NLRP10: variants seen among roughly 807,000 people sequenced by gnomAD.
The protein encoded by NLRP10 is NLR family pyrin domain containing 10.
In NLRP10, 7 loss-of-function variants were observed where a neutral mutation model predicts 8.2. The ratio of observed to expected loss-of-function variants is 0.85; its 90% CI spans 0.48 to 1.60. NLRP10 has a LOEUF of 1.60. NLRP10 is among the 40% of genes most tolerant of loss of function. The pLI is 0.00. For synonymous variants in NLRP10, 338 were observed against 314.0 expected, an observed-to-expected ratio of 1.08 and a Z score of -0.81; for missense variants, 814 against 776.3, an observed-to-expected ratio of 1.05 and a Z score of -0.58.
In NLRP10 at chr11:7,958,924, G is replaced by C. The variant is rs1941666940; in HGVS notation, c.*720C>G. Reference sequence around the variant, plus strand: ...TGCAAATATTTTCTCCCAGTCTTTGGCTTATCTTTTCATTCTCTTAACAGT... The same window carrying C: ...TGCAAATATTTTCTCCCAGTCTTTGCCTTATCTTTTCATTCTCTTAACAGT... On this transcript the variant is annotated 3_prime_UTR_variant, in exon 3 of 3. Transcript: ENST00000691676. Among the ~76,000 whole-genome samples, 1 of 151,790 alleles carries C rather than the reference G, an allele frequency of 6.6e-6. No homozygotes were observed. Among genetic ancestry groups the C allele is most frequent in the African/African-American group, 2.4e-5 (1 of 41,300 alleles).
intron 2 of NLRP10, 90 bp downstream of exon 2, chr11:7,963,117 G>A (rs1304961792): frequency 7.7e-7 from 1 of 1,295,796 alleles, no homozygotes; most frequent in South Asian, 1.3e-5. Context: ...GAAGGCATAA[G>A]GTACAGGCTA....
At position 7,960,943 on chromosome 11, in the gene NLRP10, A is replaced by G; in HGVS notation, c.669T>C (p.Leu223=). 1 of 1,614,156 alleles carries G rather than the reference A, an allele frequency of 6.2e-7. No homozygotes were observed. The highest frequency in any genetic ancestry group is 8.5e-7 in the Non-Finnish European group (1 of 1,180,016). The change falls in exon 3 of 3, where the codon CTT becomes CTC. Residue 223 remains leucine, a synonymous_variant. Coordinates refer to ENST00000691676, the MANE Select transcript of NLRP10 (RefSeq NM_001391958.1). Reference sequence around the variant, plus strand: ...CTTGATTGTCCCCGCAGCACCAGAAAAGGAGCTGCTCCAGTTTGCTCTCCA... The same window carrying G: ...CTTGATTGTCCCCGCAGCACCAGAAGAGGAGCTGCTCCAGTTTGCTCTCCA... ...LLLESKLEQL[L]FWCCGDNQAP... is the part of the protein sequence containing the mutation.
At chr11:7,962,231 C>CTTTTTTTT (rs71452435) in intron 2 of NLRP10, among the ~76,000 whole-genome samples, 850 of 66,922 alleles carry the variant, frequency 0.013, 212 homozygotes, top group African/African-American at 0.033. Flanking sequence ...TAAGCCTGTT[C>CTTTTTTTT]TTTTTTTTTT....
At position 7,959,713 on chromosome 11, in the gene NLRP10, T is replaced by A; in HGVS notation, c.1899A>T (p.Gly633=). 1 of 1,606,326 alleles carries A rather than the reference T, an allele frequency of 6.2e-7. No individual in the cohort carries two copies. The highest frequency in any genetic ancestry group is 8.5e-7 in the Non-Finnish European group (1 of 1,178,228). ...TTCCAGTAGAAGCTTCCTTTTGTGT[T>A]CCTGCTATATTATCTTTGCCCTCCT... ...GQKEGKDNIA[G]TQKEASTGKG... Residue 633 remains glycine, a synonymous_variant, in exon 3 of 3, where the codon GGA becomes GGT. Coordinates refer to ENST00000691676, the MANE Select transcript of NLRP10 (RefSeq NM_001391958.1).
Position 7,960,638 on chromosome 11 carries a change from C to A in NLRP10, c.974G>T (p.Ser325Ile), listed in dbSNP as rs752492677. The A allele has an allele frequency of 8.6e-5, 139 of 1,614,050 alleles. No individual in the cohort carries two copies. In the East Asian group the frequency reaches 3.1e-3, roughly 36 times the overall value. The change falls in exon 3 of 3, where the codon AGC (serine) becomes ATC (isoleucine). Residue 325 changes from serine to isoleucine, a missense_variant. Ser to Ile is a moderately radical substitution (Grantham distance 142). Coordinates refer to ENST00000691676, the MANE Select transcript of NLRP10 (RefSeq NM_001391958.1). ...TTGCTTCTCATCCGTGAAATAGGAG[C>A]TGAAGTACCTCGCCCTCTCCTCCTC... ...FSEEERARYF[S>I]SYFTDEKQAD...
chr11:7,958,906 AT>A lies in NLRP10; in HGVS notation c.*737del, dbSNP rs981548921. 6.6e-6 allele frequency among the ~76,000 whole-genome samples: 1 copy of A among 151,472 alleles called. No homozygotes were observed. The highest frequency in any genetic ancestry group is 1.5e-5 in the Non-Finnish European group (1 of 67,860). On this transcript the variant is annotated 3_prime_UTR_variant, in exon 3 of 3. Coordinates refer to ENST00000691676, the MANE Select transcript of NLRP10 (RefSeq NM_001391958.1). ...TTTTATCAGATATGTGTTTGCAAAT[AT>A]TTTCTCCCAGTCTTTGGCTTATCTT...
rs1342643838 is a variant in NLRP10 at position 7,959,920 on chromosome 11, T to G, written c.1692A>C (p.Glu564Asp). 6.2e-7 allele frequency: 1 copy of G among 1,614,184 alleles called. No homozygotes were observed. Among genetic ancestry groups the G allele is most frequent in the Admixed American group, 1.7e-5 (1 of 60,036 alleles). Reference sequence around the variant, plus strand: ...TTATTTTAGCTTCATACAGGGAGAATTCCAAATCCCAGGTCCTGTTGTGCT... The same window carrying G: ...TTATTTTAGCTTCATACAGGGAGAAGTCCAAATCCCAGGTCCTGTTGTGCT... ...SMKHNRTWDL[E>D]FSLYEAKIKN... Residue 564 changes from glutamate to aspartate, a missense_variant, in exon 3 of 3, where the codon GAA becomes GAC. Transcript: ENST00000691676.
At chr11:7,962,900 CA>C (rs1941755965) in intron 2 of NLRP10, among the ~76,000 whole-genome samples, 1 of 152,202 alleles carries the variant, frequency 6.6e-6, no homozygotes, top group African/African-American at 2.4e-5. Flanking sequence ...ATCCCTTCAC[CA>C]ACACCCTCCC....
rs1941765272 is a variant in NLRP10, at chr11:7,963,336, G to A, written c.160C>T (p.Pro54Ser). 1 of 1,614,092 alleles carries A rather than the reference G, an allele frequency of 6.2e-7. No homozygotes were observed. ...ATCAGTAATTCTGCCAGGTCCACCG[G>A]AATCAGGCCCTCCAACTCCCCTCTG... The part of the protein sequence containing the change: ...LARGELEGLI[P>S]VDLAELLISK... The change falls in exon 2 of 3, where the codon CCG (proline) becomes TCG (serine). Residue 54 changes from proline (P) to serine (S), a missense_variant. Physicochemically the swap from Pro to Ser is moderately conservative, Grantham distance 74. Coordinates refer to ENST00000691676, the MANE Select transcript of NLRP10 (RefSeq NM_001391958.1).
At chr11:7,963,782 A>ATCTCTCTC (rs113386745) in intron 1 of NLRP10, 17 of 339,952 alleles carry the variant, frequency 5.0e-5, no homozygotes, top group African/African-American at 2.4e-4. Flanking sequence ...TAATCTCTCA[A>ATCTCTCTC]TCTCTCTCTC....
At chr11:7,963,139 G>A in intron 2 of NLRP10, 68 bp downstream of exon 2, 2 of 1,487,088 alleles carry the variant, frequency 1.3e-6, no homozygotes, top group Non-Finnish European at 1.8e-6. Context: ...AGGCAGCTCT[G>A]GAAATGCCAT....
At chr11:7,962,231 C>CTGTTTTTTTTTTTTTTTTT (rs1941743747) in intron 2 of NLRP10, among the ~76,000 whole-genome samples, 1 of 66,994 alleles carries the variant, frequency 1.5e-5, no homozygotes, top group African/African-American at 5.6e-5. Context: ...TAAGCCTGTT[C>CTGTTTTTTTTTTTTTTTTT]TTTTTTTTTT....
rs375738434 is a variant in NLRP10, at chr11:7,963,191, C to T, written c.289+16G>A. ...CAGTGCCATCCTGCCCTCCCCTTCC[C>T]CCGCTCCACACTCACCATGCAGACA... On this transcript the variant is annotated intron_variant, in intron 2 of 2. Transcript: ENST00000691676. 6.2e-7 allele frequency: 1 copy of T among 1,609,666 alleles called. No individual in the cohort carries two copies. The highest frequency in any genetic ancestry group is 8.5e-7 in the Non-Finnish European group (1 of 1,177,098).
At position 7,958,636 on chromosome 11, in the gene NLRP10, G is replaced by A. The variant is rs994281468; in HGVS notation, c.*1008C>T. ...GCGATCTCAGCTCACTGCAACCTCCGCCTCCCAGATTCAAGCAATTCTCCT... is the reference window on the plus strand; with the variant it reads ...GCGATCTCAGCTCACTGCAACCTCCACCTCCCAGATTCAAGCAATTCTCCT... On this transcript the variant is annotated 3_prime_UTR_variant, in exon 3 of 3. Coordinates refer to ENST00000691676, the MANE Select transcript of NLRP10 (RefSeq NM_001391958.1). Among the ~76,000 whole-genome samples, 5 of 151,584 alleles carry A rather than the reference G, an allele frequency of 3.3e-5. No homozygotes were observed. Among genetic ancestry groups the A allele is most frequent in the African/African-American group, 9.7e-5 (4 of 41,210 alleles).
rs986915655 is a variant in NLRP10 at position 7,958,064 on chromosome 11, C to T, written c.*1580G>A. On this transcript the variant is annotated 3_prime_UTR_variant, in exon 3 of 3. Transcript: ENST00000691676. ...GTCTTAATTGCTCATTTATTTTTATCACTGAATACTATTACATTATGTGGA... is the reference window on the plus strand; with the variant it reads ...GTCTTAATTGCTCATTTATTTTTATTACTGAATACTATTACATTATGTGGA... Among the ~76,000 whole-genome samples, 3 of 152,076 alleles carry T rather than the reference C, an allele frequency of 2.0e-5. No homozygotes were observed. Among genetic ancestry groups the T allele is most frequent in the Non-Finnish European group, 2.9e-5 (2 of 68,022 alleles).
Position 7,960,714 on chromosome 11 carries a change from G to C in NLRP10, c.898C>G (p.Leu300Val). The C allele has an allele frequency of 6.2e-7, 1 of 1,614,228 alleles. No homozygotes were observed. Among genetic ancestry groups the C allele is most frequent in the African/African-American group, 1.3e-5 (1 of 75,052 alleles). Residue 300 changes from leucine (L) to valine (V), a missense_variant, in exon 3 of 3, where the codon CTG becomes GTG. Coordinates refer to ENST00000691676, the MANE Select transcript of NLRP10 (RefSeq NM_001391958.1). ...ITTRPLALRN[L>V]EPLLKQARHV... ...CGTGCTTGTTTCAGCAAGGGCTCCA[G>C]ATTCCTCAAAGCCAGGGGCCGGGTG...
chr11:7,964,835 A>G (rs952220810), intron 1 of NLRP10, among the ~76,000 whole-genome samples: 4 of 152,266 alleles, frequency 2.6e-5, no homozygotes, highest in Non-Finnish European at 5.9e-5. Context: ...AAAGAAAAGC[A>G]ACAATTAATA....
rs773746945 is a variant in NLRP10 at position 7,960,430 on chromosome 11, C to A, written c.1182G>T (p.Pro394=). The change falls in exon 3 of 3, where the codon CCG becomes CCT. Residue 394 remains proline (P), a synonymous_variant. Transcript: ENST00000691676. Reference sequence around the variant, plus strand: ...CGGAGCAGCCCCCATCATCATCGGGCGGCAGAAAGGTGGAGACGTAAGCCA... The same window carrying A: ...CGGAGCAGCCCCCATCATCATCGGGAGGCAGAAAGGTGGAGACGTAAGCCA... ...IFMAYVSTFL[P]PDDDGGCSEL... 1.9e-6 allele frequency: 3 copies of A among 1,613,966 alleles called. No homozygotes were observed. In the South Asian group the frequency reaches 3.3e-5, roughly 18 times the overall value.
rs113573836 is a variant in NLRP10, at chr11:7,963,480, C to T, written c.16G>A (p.Ala6Thr). Residue 6 changes from alanine to threonine, a missense_variant, in exon 2 of 3, where the codon GCC becomes ACC. By Grantham distance (58) the Ala-to-Thr change is moderately conservative. Coordinates refer to ENST00000691676, the MANE Select transcript of NLRP10 (RefSeq NM_001391958.1). Reference sequence around the variant, plus strand: ...AGCAATGCCTCCCGGGGCTTTCTGGCCTTGGCCATGGCCATGGTGATCTGG... The same window carrying T: ...AGCAATGCCTCCCGGGGCTTTCTGGTCTTGGCCATGGCCATGGTGATCTGG... The part of the protein sequence containing the change: MAMAK[A>T]RKPREALLWA... 1.7e-5 allele frequency: 27 copies of T among 1,612,058 alleles called. No individual in the cohort carries two copies. The highest frequency in any genetic ancestry group is 2.2e-5 in the East Asian group (1 of 44,848).
Sources: gnomAD v4.1 joint callset for allele counts (sites outside exome capture counted in the v4.1 genomes callset) on GRCh38, gnomAD v4.1.1 for gene constraint, MANE v1.5 for transcripts, NCBI Gene and HGNC (gene_info 2026-07-23, HGNC 2026-07-21) for gene names.